SKAP1: variants seen among roughly 807,000 people sequenced by gnomAD.
SKAP1 encodes src kinase associated phosphoprotein 1, also known as src kinase-associated phosphoprotein 1.
A neutral mutation model predicts 58.5 loss-of-function variants in SKAP1; 44 were observed. The observed-to-expected ratio is 0.75, with a 90% confidence interval of 0.59 to 0.97. The LOEUF is 0.97. SKAP1 is among the 50% of genes least tolerant of loss of function. The pLI is 0.00. For missense variants in SKAP1, 390 were observed against 435.2 expected (o/e 0.90, Z 0.92); for synonymous variants, 127 against 149.7 (o/e 0.85, Z 1.11).
At chr17:48,296,811 A>G (rs2065980769) in intron 4 of SKAP1, among the ~76,000 whole-genome samples, 1 of 152,050 alleles carries the variant, frequency 6.6e-6, no homozygotes, top group African/African-American at 2.4e-5. Context: ...TATTCAGAAT[A>G]CAGGTAATCA....
At chr17:48,421,918 T>C (rs1000773985) in intron 1 of SKAP1, among the ~76,000 whole-genome samples, 1 of 152,018 alleles carries the variant, frequency 6.6e-6, no homozygotes, top group Non-Finnish European at 1.5e-5. Context: ...TTTGAAAGAA[T>C]CCCTAAAAGT....
chr17:48,186,679 C>A (rs752726438), intron 6 of SKAP1, among the ~76,000 whole-genome samples: 11 of 151,936 alleles, frequency 7.2e-5, no homozygotes, highest in Non-Finnish European at 1.2e-4. Flanking sequence ...ACTATGTTGG[C>A]CAGGTTGGTC....
chr17:48,200,501 C>T lies in SKAP1; in HGVS notation c.281-11001G>A, dbSNP rs549323680. Among the ~76,000 whole-genome samples the T allele has an allele frequency of 1.4e-4, 21 of 151,968 alleles. No homozygotes were observed. The East Asian group carries it at 2.0e-3, about 14-fold the overall frequency. On this transcript the variant is annotated intron_variant, in intron 4 of 12. Coordinates refer to ENST00000336915, the MANE Select transcript of SKAP1 (RefSeq NM_003726.4). ...AAGCAATTCTCCTGCCTCAGCCTCC[C>T]GAGTAAGCTGGGATTACAAGTGCCC...
intron 2 of SKAP1, among the ~76,000 whole-genome samples, chr17:48,385,301 A>T (rs1430603628): frequency 1.6e-5 from 2 of 128,314 alleles, no homozygotes; most frequent in Admixed American, 1.7e-4. Context: ...CTTCTATTTC[A>T]AGAAGTTTGC....
intron 4 of SKAP1, among the ~76,000 whole-genome samples, chr17:48,210,872 G>A (rs371470045): frequency 5.9e-5 from 9 of 152,182 alleles, no homozygotes; most frequent in East Asian, 1.9e-4. Context: ...TACCCTGCTC[G>A]GTTTGTCCTC....
intron 2 of SKAP1, among the ~76,000 whole-genome samples, chr17:48,396,362 T>C (rs909973660): frequency 1.3e-5 from 2 of 152,242 alleles, no homozygotes; most frequent in African/African-American, 2.4e-5. Flanking sequence ...GTTAATAATT[T>C]GGACAAGCAT....
At chr17:48,330,620 G>C (rs964178722) in intron 4 of SKAP1, among the ~76,000 whole-genome samples, 6 of 152,236 alleles carry the variant, frequency 3.9e-5, no homozygotes, top group African/African-American at 1.4e-4. Context: ...GCTGCCAGAA[G>C]GGCAAATAAG....
At chr17:48,149,085 G>A (rs1054230041) in intron 11 of SKAP1, among the ~76,000 whole-genome samples, 1 of 152,116 alleles carries the variant, frequency 6.6e-6, no homozygotes, top group African/African-American at 2.4e-5. Flanking sequence ...TTGGCATCAG[G>A]TACCAGCTTG....
intron 4 of SKAP1, among the ~76,000 whole-genome samples, chr17:48,235,434 C>CTT (rs11389200): frequency 0.086 from 12,537 of 146,252 alleles, 655 homozygotes; most frequent in East Asian, 0.19. Context: ...TTAGCTTTCA[C>CTT]TTTTTTTTTT....
At chr17:48,382,058 T>A (rs1263342642) in intron 2 of SKAP1, among the ~76,000 whole-genome samples, 1 of 152,186 alleles carries the variant, frequency 6.6e-6, no homozygotes, top group Non-Finnish European at 1.5e-5. Flanking sequence ...ACCTCAGTTT[T>A]CTCATCTGCT....
Position 48,307,747 on chromosome 17 carries a change from A to AT in SKAP1, c.280+38157dup, listed in dbSNP as rs1460268853. Reference sequence around the variant, plus strand: ...TTAAATGTTTTCATTCTTTTTTCCAATTTTTTTGTGTGGGGGTCTTAATAA... The same window carrying AT: ...TTAAATGTTTTCATTCTTTTTTCCAATTTTTTTTGTGTGGGGGTCTTAATAA... On this transcript the variant is annotated intron_variant, in intron 4 of 12. Transcript: ENST00000336915. The AT allele has an allele frequency of 6.6e-5, 10 of 152,118 alleles. No individual in the cohort carries two copies. In the South Asian group the frequency reaches 2.1e-3, roughly 32 times the overall value. The allele number at this position is 152,118 out of a possible 1,614,324, so 9.4% of individuals were successfully genotyped here.
At chr17:48,200,437 C>T (rs1266745983) in intron 4 of SKAP1, among the ~76,000 whole-genome samples, 5 of 151,452 alleles carry the variant, frequency 3.3e-5, no homozygotes, top group Admixed American at 2.6e-4. Context: ...GGTACAATGG[C>T]GCAATCCCTG....
rs143899779 is a variant in SKAP1, at chr17:48,185,226, G to A, written c.443-379C>T. ...AAACATTATTATCAGGGCCAGCAGA[G>A]CTCACATTTGAGGGGAGGGACAGCA... On this transcript the variant is annotated intron_variant, in intron 6 of 12. Coordinates refer to ENST00000336915, the MANE Select transcript of SKAP1 (RefSeq NM_003726.4). The A allele has an allele frequency of 8.0e-5, 14 of 175,862 alleles. No individual in the cohort carries two copies. In the East Asian group the frequency reaches 2.5e-3, roughly 32 times the overall value. 10.9% of individuals were successfully genotyped at this position (175,862 alleles called of 1,614,324 possible).
At chr17:48,421,241 T>A (rs181413785) in intron 1 of SKAP1, among the ~76,000 whole-genome samples, 77 of 151,726 alleles carry the variant, frequency 5.1e-4, no homozygotes, top group African/African-American at 1.6e-3. Flanking sequence ...GACCTTTTTT[T>A]AAAAACTGGG....
chr17:48,368,326 TA>T (rs1567886201), intron 2 of SKAP1, among the ~76,000 whole-genome samples: 2 of 152,224 alleles, frequency 1.3e-5, no homozygotes, highest in South Asian at 4.1e-4. Flanking sequence ...AGGGATTTAG[TA>T]AAATCCTGCC....
intron 4 of SKAP1, among the ~76,000 whole-genome samples, chr17:48,189,816 AGGC>A (rs1319385208): frequency 1.3e-5 from 2 of 151,966 alleles, no homozygotes; most frequent in Non-Finnish European, 2.9e-5. Flanking sequence ...CTGAGACTAC[AGGC>A]ATGTGCCACC....
intron 4 of SKAP1, among the ~76,000 whole-genome samples, chr17:48,197,506 T>C (rs1047671976): frequency 6.6e-6 from 1 of 152,018 alleles, no homozygotes; most frequent in Admixed American, 6.6e-5. Context: ...CTGGCCAACA[T>C]GGTGAAACTC....
chr17:48,252,869 TG>T (rs2065381677), intron 4 of SKAP1, among the ~76,000 whole-genome samples: 1 of 152,176 alleles, frequency 6.6e-6, no homozygotes, highest in Non-Finnish European at 1.5e-5. Flanking sequence ...TCAGCTTCCC[TG>T]GAGGTCTCTG....
At chr17:48,195,419 C>T (rs2064612867) in intron 4 of SKAP1, among the ~76,000 whole-genome samples, 1 of 152,172 alleles carries the variant, frequency 6.6e-6, no homozygotes, top group Non-Finnish European at 1.5e-5. Flanking sequence ...TGAGTTTACA[C>T]TTATACCACA....
Sources: gnomAD v4.1 joint callset for allele counts (sites outside exome capture counted in the v4.1 genomes callset) on GRCh38, gnomAD v4.1.1 for gene constraint, MANE v1.5 for transcripts, NCBI Gene and HGNC (gene_info 2026-07-23, HGNC 2026-07-21) for gene names.